Variants in AMBP observed in about 807,000 individuals in gnomAD.
The protein encoded by AMBP is protein AMBP.
In AMBP, 37 loss-of-function variants were observed where a neutral mutation model predicts 46.3. The observed-to-expected ratio is 0.80, with a 90% CI of 0.61 to 1.05. The LOEUF (loss-of-function observed/expected upper bound fraction) is 1.05. AMBP is among the 50% of genes least tolerant of loss of function. AMBP has a pLI of 0.00. For synonymous variants in AMBP, 174 were observed against 175.9 expected (o/e 0.99, Z 0.09); for missense variants, 475 against 461.2 (o/e 1.03, Z -0.27).
chr9:114,069,593 C>T, intron 6 of AMBP, 106 bp downstream of exon 6: 1 of 1,122,524 alleles, frequency 8.9e-7, no homozygotes. Flanking sequence ...CTCTCACCCC[C>T]TCCCCATGAC....
chr9:114,061,547 T>C lies in AMBP; in HGVS notation c.730A>G (p.Thr244Ala), dbSNP rs1846639308. Reference protein sequence around the residue: ...GYSAGPCMGMTSRYFYNGTSM... With the variant: ...GYSAGPCMGMASRYFYNGTSM... ...GTACCATTATAGAAATACCTGCTGG[T>C]CATTCCCATGCAGGGACCGGCCGAG... The change falls in exon 8 of 10, where the codon ACC becomes GCC. Residue 244 changes from threonine (T) to alanine (A), a missense_variant. Thr to Ala is a moderately conservative substitution (Grantham distance 58). This residue lies in a region of AMBP where 293 missense variants were observed against 276.9 expected (regional missense o/e 1.06). Coordinates refer to ENST00000265132, the MANE Select transcript of AMBP (RefSeq NM_001633.4). 6.2e-7 allele frequency: 1 copy of C among 1,613,058 alleles called. No homozygotes were observed. The highest frequency in any genetic ancestry group is 2.2e-5 in the East Asian group (1 of 44,832).
rs1019075623 is a variant in AMBP at position 114,073,005 on chromosome 9, TCCCTCAGCTGCGGCGCCCG to T, written c.457_475del (p.Arg153LysfsTer41). On this transcript the variant is annotated frameshift_variant and splice_region_variant, in exon 5 of 10. Transcript: ENST00000265132. LOFTEE classifies it high-confidence loss of function. ...CACTCTGAAGTCCTGCAGGAGAGTTTCCCTCAGCTGCGGCGCCCGCCCTGCAAGGAGGAAGCAGAGGAGA... is the reference window on the plus strand; with the variant it reads ...CACTCTGAAGTCCTGCAGGAGAGTTTCCCTGCAAGGAGGAAGCAGAGGAGA... 3 of 1,613,610 alleles carry T rather than the reference TCCCTCAGCTGCGGCGCCCG, an allele frequency of 1.9e-6. No individual in the cohort carries two copies. Among genetic ancestry groups the T allele is most frequent in the Admixed American group, 1.7e-5 (1 of 59,988 alleles).
chr9:114,061,459 G>A lies in AMBP; in HGVS notation c.818C>T (p.Thr273Ile). 6.2e-7 allele frequency: 1 copy of A among 1,614,124 alleles called. No homozygotes were observed. The highest frequency in any genetic ancestry group is 8.5e-7 in the Non-Finnish European group (1 of 1,180,028). The part of the protein sequence containing the change: ...GCMGNGNNFV[T>I]EKECLQTCRT... ...GCAGGTCTGCAGACACTCCTTTTCT[G>A]TGACGAAGTTGTTACCGTTGCCCAT... The change falls in exon 8 of 10, where the codon ACA (threonine) becomes ATA (isoleucine). Residue 273 changes from threonine (T) to isoleucine (I), a missense_variant. By Grantham distance (89) the Thr-to-Ile change is moderately conservative (BLOSUM62 -1). Transcript: ENST00000265132.
At position 114,061,731 on chromosome 9, in the gene AMBP, A is replaced by G. The variant is rs1271881768; in HGVS notation, c.686-140T>C. 4 of 1,049,522 alleles carry G rather than the reference A, an allele frequency of 3.8e-6. No homozygotes were observed. In the African/African-American group the frequency reaches 4.9e-5, roughly 13 times the overall value. 65.0% of individuals were successfully genotyped at this position (1,049,522 alleles called of 1,614,324 possible). The stretch of plus-strand genomic sequence containing the variant: ...TTTTTAGATAAGCAAACTGACTCTC[A>G]GAGAGGTGAAGTAACTTGGCCGGGG... On this transcript the variant is annotated intron_variant, in intron 7 of 9. Transcript: ENST00000265132.
rs188210487 is a variant in AMBP, at chr9:114,076,533, C to A, written c.260+65G>T. 493 of 1,578,478 alleles carry A rather than the reference C, an allele frequency of 3.1e-4. 2 individuals carry two copies. The African/African-American group carries it at 6.0e-3, about 19-fold the overall frequency. The stretch of plus-strand genomic sequence containing the variant: ...GAGATCTGCAACTTCCCAGGATGGA[C>A]GGGGCTGGGAAGGTTGTGGGTCTCT... On this transcript the variant is annotated intron_variant, in intron 2 of 9. Coordinates refer to ENST00000265132, the MANE Select transcript of AMBP (RefSeq NM_001633.4).
intron 6 of AMBP, 30 bp downstream of exon 6, chr9:114,069,665 GGGGT>G: frequency 6.3e-7 from 1 of 1,594,556 alleles, no homozygotes. Flanking sequence ...GGGGTGGGAT[GGGGT>G]GGGATGGGGT....
chr9:114,069,638 C>A, intron 6 of AMBP, 61 bp downstream of exon 6: 1 of 1,250,150 alleles, frequency 8.0e-7, no homozygotes, highest in Non-Finnish European at 1.1e-6. Context: ...AAGTGTGCAG[C>A]GTGCCTGGGG....
Position 114,072,971 on chromosome 9 carries a change from C to T in AMBP, c.510G>A (p.Gln170=), listed in dbSNP as rs745828862. 8.1e-6 allele frequency: 13 copies of T among 1,613,926 alleles called. No homozygotes were observed. Among genetic ancestry groups the T allele is most frequent in the Non-Finnish European group, 1.1e-5 (13 of 1,179,848 alleles). Residue 170 remains glutamine, a synonymous_variant, in exon 5 of 10, where the codon CAG becomes CAA. Transcript: ENST00000265132. ...TLLQDFRVVA[Q]GVGIPEDSIF... ...TGGAGTCCTCAGGGATGCCCACACC[C>T]TGGGCAACCACTCTGAAGTCCTGCA...
intron 1 of AMBP, among the ~76,000 whole-genome samples, chr9:114,077,774 C>G (rs1461852596): frequency 6.6e-6 from 1 of 152,176 alleles, no homozygotes; most frequent in Non-Finnish European, 1.5e-5. Flanking sequence ...CTGGGCAAAG[C>G]TAGGTGTCTG....
intron 6 of AMBP, among the ~76,000 whole-genome samples, chr9:114,066,688 A>G (rs1196068119): frequency 6.6e-6 from 1 of 151,698 alleles, no homozygotes; most frequent in African/African-American, 2.4e-5. Flanking sequence ...TGAATGTCAT[A>G]GGAGAGAGAC....
intron 8 of AMBP, 160 bp downstream of exon 8, chr9:114,061,264 C>G (rs749521947): frequency 2.1e-6 from 3 of 1,407,768 alleles, no homozygotes; most frequent in Non-Finnish European, 2.9e-6. Flanking sequence ...GCCCGAGGTC[C>G]TCCACATCCA....
At chr9:114,062,330 A>T (rs1846648049) in intron 7 of AMBP, among the ~76,000 whole-genome samples, 2 of 152,146 alleles carry the variant, frequency 1.3e-5, no homozygotes, top group Admixed American at 1.3e-4. Context: ...TCCCTCCCCG[A>T]CTTCCTCCTA....
intron 1 of AMBP, 89 bp downstream of exon 1, chr9:114,078,004 C>A (rs1846832701): frequency 7.6e-7 from 1 of 1,323,314 alleles, no homozygotes; most frequent in Non-Finnish European, 1.1e-6. Flanking sequence ...GCCTGAGACC[C>A]CGAGACAGGC....
At chr9:114,069,934 A>G (rs1588490112) in intron 5 of AMBP, 189 bp from the exon 6 acceptor site, 1 of 596,124 alleles carries the variant, frequency 1.7e-6, no homozygotes, top group African/African-American at 1.8e-5. Flanking sequence ...TGGTGGCTGC[A>G]CCATCATTAC....
intron 9 of AMBP, 99 bp downstream of exon 9, chr9:114,060,826 C>A: frequency 7.3e-7 from 1 of 1,369,678 alleles, no homozygotes; most frequent in South Asian, 1.4e-5. Context: ...GGTACAGAGT[C>A]CAGAACTCAG....
At chr9:114,073,673 A>T (rs1271372666) in intron 4 of AMBP, among the ~76,000 whole-genome samples, 1 of 151,716 alleles carries the variant, frequency 6.6e-6, no homozygotes, top group East Asian at 1.9e-4. Flanking sequence ...TAATTCTTTA[A>T]TTTTTTGTAG....
At position 114,062,116 on chromosome 9, in the gene AMBP, CCCTT is replaced by C. The variant is rs202123076; in HGVS notation, c.686-529_686-526del. ...TCAGCTCCCCCTGCCCTTTAGCTGACCCTTCCTTTTGGGCCCATCACCTACTCCC... is the reference window on the plus strand; with the variant it reads ...TCAGCTCCCCCTGCCCTTTAGCTGACCCTTTTGGGCCCATCACCTACTCCC... On this transcript the variant is annotated intron_variant, in intron 7 of 9. Transcript: ENST00000265132. Among the ~76,000 whole-genome samples, 131 of 152,304 alleles carry C rather than the reference CCCTT, an allele frequency of 8.6e-4. 3 individuals are homozygous for C. In the East Asian group the frequency reaches 0.025, roughly 29 times the overall value.
intron 4 of AMBP, 60 bp from the exon 5 acceptor site, chr9:114,073,086 T>G (rs537715621): frequency 6.8e-7 from 1 of 1,465,736 alleles, no homozygotes; most frequent in Non-Finnish European, 9.3e-7. Flanking sequence ...TGGAAGGGCC[T>G]GAAATGATTT....
At position 114,078,101 on chromosome 9, in the gene AMBP, T is replaced by C. The variant is rs1846833967; in HGVS notation, c.109A>G (p.Ile37Val). 2 of 1,613,750 alleles carry C rather than the reference T, an allele frequency of 1.2e-6. No homozygotes were observed. The highest frequency in any genetic ancestry group is 1.7e-6 in the Non-Finnish European group (2 of 1,179,972). Reference sequence around the variant, plus strand: ...GAGAGCGGCAGCCTTACCCGAGAGATATTGAAGTTTTCCTGCACTTGGATG... The same window carrying C: ...GAGAGCGGCAGCCTTACCCGAGAGACATTGAAGTTTTCCTGCACTTGGATG... Reference protein sequence around the residue: ...DNIQVQENFNISRIYGKWYNL... With the variant: ...DNIQVQENFNVSRIYGKWYNL... The change falls in exon 1 of 10, where the codon ATC becomes GTC. Residue 37 changes from isoleucine (I) to valine (V), a missense_variant. Around this residue, in one of 3 missense-constraint regions of AMBP, gnomAD observed 179 missense variants for 167.4 expected, o/e 1.07. Coordinates refer to ENST00000265132, the MANE Select transcript of AMBP (RefSeq NM_001633.4).
Sources: gnomAD v4.1 joint callset for allele counts (sites outside exome capture counted in the v4.1 genomes callset) on GRCh38, gnomAD v4.1.1 for gene constraint, gnomAD v4.1.1 regional missense constraint, MANE v1.5 for transcripts, NCBI Gene and HGNC (gene_info 2026-07-23, HGNC 2026-07-21) for gene names.